The following MRPL42 variants were observed in gnomAD, a reference collection of about 807,000 sequenced individuals.
MRPL42 encodes mitochondrial ribosomal protein L42.
A neutral mutation model predicts 17.9 loss-of-function variants in MRPL42; 17 were observed. The observed-to-expected ratio is 0.95, with a 90% CI of 0.65 to 1.42. The LOEUF is 1.42. Among genes scored for constraint, MRPL42 ranks in the 40% most tolerant of loss-of-function variants. MRPL42 has a pLI of 0.00. For missense variants in MRPL42, 177 were observed against 175.2 expected (o/e 1.01, Z -0.06); for synonymous variants, 59 against 54.4 (o/e 1.08, Z -0.37).
Position 93,512,043 on chromosome 12 carries a change from A to G in MRPL42, c.*10822A>G, listed in dbSNP as rs1020578667. On this transcript the variant is annotated 3_prime_UTR_variant, in exon 6 of 6. Coordinates refer to ENST00000549982, the MANE Select transcript of MRPL42 (RefSeq NM_014050.4). ...CTCTTTATGTAATAGTTTGGAAAAC[A>G]AACAACTGTGATTACATTTAGAGAT... The G allele has an allele frequency of 6.6e-6, 1 of 152,234 alleles. No homozygotes were observed. Among genetic ancestry groups the G allele is most frequent in the East Asian group, 1.9e-4 (1 of 5,200 alleles). The allele number at this position is 152,234 out of a possible 1,614,324, so 9.4% of individuals were successfully genotyped here.
At position 93,504,742 on chromosome 12, in the gene MRPL42, G is replaced by T. The variant is rs1323745309; in HGVS notation, c.*3521G>T. 6.6e-6 allele frequency: 1 copy of T among 152,066 alleles called. No homozygotes were observed. The highest frequency in any genetic ancestry group is 1.5e-5 in the Non-Finnish European group (1 of 68,016). 9.4% of individuals were successfully genotyped at this position (152,066 alleles called of 1,614,324 possible). A position where few individuals can be genotyped will look rare whatever the true frequency, so the allele number is the denominator to read the frequency against. ...TGCCCCCTAAAATGTAACTTCTTTA[G>T]ATTCTGTTGTTACGTGCAACACTGT... On this transcript the variant is annotated 3_prime_UTR_variant, in exon 6 of 6. Coordinates refer to ENST00000549982, the MANE Select transcript of MRPL42 (RefSeq NM_014050.4).
rs1011436635 is a variant in MRPL42 at position 93,512,584 on chromosome 12, G to A, written c.*11363G>A. The A allele has an allele frequency of 6.6e-6, 1 of 152,592 alleles. No homozygotes were observed. Among genetic ancestry groups the A allele is most frequent in the African/African-American group, 2.4e-5 (1 of 41,466 alleles). The allele number at this position is 152,592 out of a possible 1,614,324, so 9.5% of individuals were successfully genotyped here. A position where few individuals can be genotyped will look rare whatever the true frequency, so the allele number is the denominator to read the frequency against. ...TTCATACAAGGCAGGAATGCAACTT[G>A]TTTTTTAATGGCAGATAAAATCAAA... On this transcript the variant is annotated 3_prime_UTR_variant, in exon 6 of 6. Transcript: ENST00000549982.
chr12:93,483,214 C>T (rs527640502), intron 4 of MRPL42, among the ~76,000 whole-genome samples: 1 of 152,176 alleles, frequency 6.6e-6, no homozygotes, highest in Non-Finnish European at 1.5e-5. Flanking sequence ...GTTTTTGTGA[C>T]AAGGATCTGG....
At position 93,511,132 on chromosome 12, in the gene MRPL42, A is replaced by G. The variant is rs1010300064; in HGVS notation, c.*9911A>G. 6.6e-6 allele frequency: 1 copy of G among 152,212 alleles called. No individual in the cohort carries two copies. Among genetic ancestry groups the G allele is most frequent in the Admixed American group, 6.5e-5 (1 of 15,286 alleles). 9.4% of individuals were successfully genotyped at this position (152,212 alleles called of 1,614,324 possible). On this transcript the variant is annotated 3_prime_UTR_variant, in exon 6 of 6. Coordinates refer to ENST00000549982, the MANE Select transcript of MRPL42 (RefSeq NM_014050.4). ...GTTTTACTCATAAATATAATTCTTC[A>G]TATACTGAGTTCAGTTTTTTAGCCA...
At chr12:93,492,088 A>G (rs141660529) in intron 5 of MRPL42, among the ~76,000 whole-genome samples, 4 of 152,158 alleles carry the variant, frequency 2.6e-5, no homozygotes, top group South Asian at 2.1e-4. Context: ...ATACAATTAC[A>G]TGTGTCTTTT....
chr12:93,481,232 T>C (rs1375706412), intron 4 of MRPL42, among the ~76,000 whole-genome samples: 1 of 152,210 alleles, frequency 6.6e-6, no homozygotes, highest in Non-Finnish European at 1.5e-5. Flanking sequence ...TCTTACAATC[T>C]TAGCCTATTC....
In MRPL42 at chr12:93,514,673, T is replaced by C. The variant is rs1297706095; in HGVS notation, c.*13452T>C. 1 of 152,250 alleles carries C rather than the reference T, an allele frequency of 6.6e-6. No homozygotes were observed. The highest frequency in any genetic ancestry group is 1.5e-5 in the Non-Finnish European group (1 of 68,038). The allele number at this position is 152,250 out of a possible 1,614,324, so 9.4% of individuals were successfully genotyped here. ...ACTTGATTCTCCCCCTGAATCTATA[T>C]GAAATAAATTTACTCCTATTTGAAA... is the stretch of plus-strand genomic sequence containing the variant. On this transcript the variant is annotated 3_prime_UTR_variant, in exon 6 of 6. Transcript: ENST00000549982.
intron 4 of MRPL42, 92 bp downstream of exon 4, chr12:93,479,564 T>C (rs1880357486): frequency 3.0e-6 from 2 of 659,826 alleles, no homozygotes; most frequent in Non-Finnish European, 4.7e-6. Flanking sequence ...AGTCATCTGA[T>C]TTTCTTTGTT....
intron 2 of MRPL42, among the ~76,000 whole-genome samples, chr12:93,470,125 G>T (rs1879838591): frequency 6.6e-6 from 1 of 151,998 alleles, no homozygotes; most frequent in Non-Finnish European, 1.5e-5. Flanking sequence ...TAATATTTTG[G>T]TGGATTGTCA....
chr12:93,482,624 CA>C (rs749400125), intron 4 of MRPL42, among the ~76,000 whole-genome samples: 1 of 152,056 alleles, frequency 6.6e-6, no homozygotes, highest in African/African-American at 2.4e-5. Context: ...GATTGGGCTG[CA>C]AAATAAGAAA....
intron 4 of MRPL42, among the ~76,000 whole-genome samples, chr12:93,483,626 C>G (rs1040259846): frequency 6.6e-6 from 1 of 152,062 alleles, no homozygotes; most frequent in Non-Finnish European, 1.5e-5. Context: ...CTGGAAGTTG[C>G]CCTGGGTGAG....
chr12:93,479,428 G>A lies in MRPL42; in HGVS notation c.175G>A (p.Val59Ile). ...TCTGACTTCTGATGGCAGGACAATA[G>A]TATGCTACCACCCTTCTGTGGACAT... ...LALTSDGRTI[V>I]CYHPSVDIPY... Residue 59 changes from valine (V) to isoleucine (I), a missense_variant, in exon 4 of 6, where the codon GTA becomes ATA. By Grantham distance (29) the Val-to-Ile change is conservative. Coordinates refer to ENST00000549982, the MANE Select transcript of MRPL42 (RefSeq NM_014050.4). 1 of 1,611,482 alleles carries A rather than the reference G, an allele frequency of 6.2e-7. No homozygotes were observed. Among genetic ancestry groups the A allele is most frequent in the Non-Finnish European group, 8.5e-7 (1 of 1,178,772 alleles).
At chr12:93,472,314 G>A (rs1198923652) in intron 2 of MRPL42, among the ~76,000 whole-genome samples, 1 of 152,146 alleles carries the variant, frequency 6.6e-6, no homozygotes, top group Non-Finnish European at 1.5e-5. Flanking sequence ...AAAGGGCTGG[G>A]CAGGGTGGCT....
intron 2 of MRPL42, among the ~76,000 whole-genome samples, chr12:93,473,631 A>G (rs1176513587): frequency 6.6e-6 from 1 of 151,858 alleles, no homozygotes; most frequent in East Asian, 1.9e-4. Flanking sequence ...GGGTTCCACC[A>G]TGTTGATCAG....
intron 2 of MRPL42, among the ~76,000 whole-genome samples, chr12:93,475,270 A>G (rs1300668953): frequency 6.6e-6 from 1 of 151,714 alleles, no homozygotes; most frequent in Non-Finnish European, 1.5e-5. Flanking sequence ...ATGCACCACC[A>G]CACCCGGCTA....
In MRPL42 at chr12:93,513,140, A is replaced by G. The variant is rs1035301873; in HGVS notation, c.*11919A>G. On this transcript the variant is annotated 3_prime_UTR_variant, in exon 6 of 6. Coordinates refer to ENST00000549982, the MANE Select transcript of MRPL42 (RefSeq NM_014050.4). ...GTATTGTCAATCTACCCTGGATTAC[A>G]TATTTTAACGAGAAAGAAACCAGCT... 6 of 149,786 alleles carry G rather than the reference A, an allele frequency of 4.0e-5. No individual in the cohort carries two copies. The highest frequency in any genetic ancestry group is 1.2e-4 in the African/African-American group (5 of 40,698). 9.3% of individuals were successfully genotyped at this position (149,786 alleles called of 1,614,324 possible). A position where few individuals can be genotyped will look rare whatever the true frequency, so the allele number is the denominator to read the frequency against.
intron 2 of MRPL42, among the ~76,000 whole-genome samples, chr12:93,471,921 C>T (rs1205366033): frequency 6.6e-6 from 1 of 152,216 alleles, no homozygotes; most frequent in East Asian, 1.9e-4. Flanking sequence ...TGAGAAGTCA[C>T]ATCCAATCAG....
intron 3 of MRPL42, among the ~76,000 whole-genome samples, chr12:93,477,537 ATGT>A (rs1880236979): frequency 6.6e-6 from 1 of 152,186 alleles, no homozygotes; most frequent in Admixed American, 6.5e-5. Context: ...TTCTTAATCT[ATGT>A]TGTTTTTATT....
intron 4 of MRPL42, among the ~76,000 whole-genome samples, chr12:93,483,294 C>T (rs974831554): frequency 1.3e-5 from 2 of 152,156 alleles, no homozygotes; most frequent in Non-Finnish European, 2.9e-5. Context: ...TCATGCATTG[C>T]TTACTGATGG....
Sources: allele counts gnomAD v4.1 joint callset (sites outside exome capture counted in the v4.1 genomes callset), GRCh38; gene constraint gnomAD v4.1.1; transcripts MANE v1.5; gene names NCBI Gene and HGNC (gene_info 2026-07-23, HGNC 2026-07-21).